The following PARVA variants were observed in gnomAD, a reference collection of about 807,000 sequenced individuals.
PARVA encodes the protein alpha-parvin.
Under a neutral mutation model 52.6 loss-of-function variants are expected in PARVA, and 25 were observed. The ratio of observed to expected loss-of-function variants is 0.48; its 90% confidence interval spans 0.35 to 0.66. The LOEUF is 0.66. PARVA is among the 30% of genes least tolerant of loss of function. The pLI is 0.01. For missense variants in PARVA, 373 were observed against 450.9 expected (o/e 0.83, Z 1.56); for synonymous variants, 185 against 179.1 (o/e 1.03, Z -0.26).
At chr11:12,397,091 C>A (rs935239868) in intron 1 of PARVA, among the ~76,000 whole-genome samples, 14 of 152,108 alleles carry the variant, frequency 9.2e-5, no homozygotes, top group African/African-American at 2.9e-4. Flanking sequence ...GGGGGATTGA[C>A]CTCATTTTTA....
At chr11:12,519,318 T>G in intron 12 of PARVA, among the ~76,000 whole-genome samples, 1 of 152,168 alleles carries the variant, frequency 6.6e-6, no homozygotes, top group East Asian at 1.9e-4. Flanking sequence ...CTGCCTCTGC[T>G]CTGAGCTCCT....
At chr11:12,378,575 T>TG (rs1939439757) in intron 1 of PARVA, among the ~76,000 whole-genome samples, 2 of 2,226 alleles carry the variant, frequency 9.0e-4, no homozygotes, top group Admixed American at 0.018. Context: ...GACCTTATTC[T>TG]TTTTTTTTTT....
intron 1 of PARVA, among the ~76,000 whole-genome samples, chr11:12,443,995 C>A (rs569827659): frequency 6.6e-6 from 1 of 152,296 alleles, no homozygotes; most frequent in South Asian, 2.1e-4. Context: ...TAGTACTGAA[C>A]CTGGCTCCAT....
chr11:12,417,234 C>G (rs576915084), intron 1 of PARVA, among the ~76,000 whole-genome samples: 22 of 151,854 alleles, frequency 1.4e-4, no homozygotes, highest in African/African-American at 5.1e-4. Context: ...TAGATAACAG[C>G]ATTGTTCACA....
chr11:12,465,443 A>G (rs1940842300), intron 1 of PARVA, among the ~76,000 whole-genome samples: 1 of 152,224 alleles, frequency 6.6e-6, no homozygotes, highest in Non-Finnish European at 1.5e-5. Context: ...CAGAAAATGG[A>G]CTAAGACATT....
chr11:12,518,732 C>T (rs1388271938), intron 12 of PARVA, among the ~76,000 whole-genome samples: 1 of 152,208 alleles, frequency 6.6e-6, no homozygotes. Context: ...ACATGCCATG[C>T]GTGGGATCGC....
rs561607182 is a variant in PARVA at position 12,485,452 on chromosome 11, A to G, written c.400+7503A>G. ...AGATGAGCCTAGAGCATCTTGCAGT[A>G]CCAAAAAGAAGTGCTAAGAAAAAAT... is the stretch of plus-strand genomic sequence containing the variant. On this transcript the variant is annotated intron_variant, in intron 4 of 12. Coordinates refer to ENST00000334956, the MANE Select transcript of PARVA (RefSeq NM_018222.5). Among the ~76,000 whole-genome samples, 4 of 152,320 alleles carry G rather than the reference A, an allele frequency of 2.6e-5. No individual in the cohort carries two copies. The South Asian group carries it at 8.3e-4, about 32-fold the overall frequency.
chr11:12,462,398 C>T (rs1378390957), intron 1 of PARVA, among the ~76,000 whole-genome samples: 2 of 152,036 alleles, frequency 1.3e-5, no homozygotes, highest in Non-Finnish European at 2.9e-5. Context: ...TGAGCCTTGC[C>T]CCCACTGCTG....
At chr11:12,387,753 G>A (rs1314305815) in intron 1 of PARVA, among the ~76,000 whole-genome samples, 1 of 151,656 alleles carries the variant, frequency 6.6e-6, no homozygotes, top group South Asian at 2.1e-4. Context: ...ATCGGTTGGG[G>A]GGTTTGGGGT....
chr11:12,440,363 G>A (rs11022356), intron 1 of PARVA, among the ~76,000 whole-genome samples: 59,878 of 151,988 alleles, frequency 0.39, 13,443 homozygotes, highest in South Asian at 0.57. Flanking sequence ...CCAGGTGGCC[G>A]GTGGAGAGGT....
At chr11:12,389,836 T>C (rs1939631860) in intron 1 of PARVA, among the ~76,000 whole-genome samples, 1 of 152,196 alleles carries the variant, frequency 6.6e-6, no homozygotes, top group Non-Finnish European at 1.5e-5. Context: ...ACCTGACACC[T>C]CAGGGAGTGT....
intron 1 of PARVA, among the ~76,000 whole-genome samples, chr11:12,396,949 G>C (rs911495331): frequency 5.5e-5 from 6 of 109,258 alleles, no homozygotes; most frequent in Admixed American, 1.8e-4. Context: ...TTCCTTTCAT[G>C]TACTTGTTTT....
At chr11:12,438,251 C>G (rs1189782269) in intron 1 of PARVA, among the ~76,000 whole-genome samples, 1 of 143,446 alleles carries the variant, frequency 7.0e-6, no homozygotes, top group African/African-American at 2.6e-5. Context: ...CAGAGCGAGA[C>G]TGCATCTCAA....
At chr11:12,495,326 G>A (rs1011578063) in intron 4 of PARVA, among the ~76,000 whole-genome samples, 4 of 152,186 alleles carry the variant, frequency 2.6e-5, no homozygotes, top group African/African-American at 9.7e-5. Context: ...TTCAAAGAAT[G>A]ACTCAAGGGG....
intron 1 of PARVA, among the ~76,000 whole-genome samples, chr11:12,396,784 T>G (rs895049996): frequency 6.6e-6 from 1 of 152,230 alleles, no homozygotes; most frequent in Non-Finnish European, 1.5e-5. Context: ...AAAACAGAAT[T>G]TTTAAAGGGT....
chr11:12,476,980 A>T (rs1452746527), intron 3 of PARVA: 1 of 152,242 alleles, frequency 6.6e-6, no homozygotes. Context: ...AGGGATGAGG[A>T]TTGAGTACAA....
At chr11:12,398,325 T>C (rs1290700715) in intron 1 of PARVA, 1 of 151,878 alleles carries the variant, frequency 6.6e-6, no homozygotes, top group Non-Finnish European at 1.5e-5. Context: ...GACCAGCTGC[T>C]GTTTGCTGGC....
At chr11:12,516,676 G>A (rs982054560) in intron 10 of PARVA, among the ~76,000 whole-genome samples, 3 of 152,216 alleles carry the variant, frequency 2.0e-5, no homozygotes, top group Non-Finnish European at 4.4e-5. Flanking sequence ...TGATTGCTTT[G>A]TTGTTTTCCC....
rs544259886 is a variant in PARVA at position 12,507,540 on chromosome 11, C to T, written c.658-1044C>T. Among the ~76,000 whole-genome samples, 23 of 152,304 alleles carry T rather than the reference C, an allele frequency of 1.5e-4. No individual in the cohort carries two copies. In the South Asian group the frequency reaches 4.4e-3, roughly 29 times the overall value. On this transcript the variant is annotated intron_variant, in intron 6 of 12. Transcript: ENST00000334956. The stretch of plus-strand genomic sequence containing the variant: ...GGATGGCCTCTGGAACACATTTGTG[C>T]GTCCTGCCTCTGCCTCTTGGCTGGG...
Sources: allele counts gnomAD v4.1 joint callset (sites outside exome capture counted in the v4.1 genomes callset), GRCh38; gene constraint gnomAD v4.1.1; transcripts MANE v1.5; gene names NCBI Gene and HGNC (gene_info 2026-07-23, HGNC 2026-07-21).